Variants in DNAH3 observed in about 807,000 individuals in gnomAD.
The protein encoded by DNAH3 is axonemal beta dynein heavy chain 3.
Under a neutral mutation model 432.5 loss-of-function variants are expected in DNAH3, and 332 were observed. The ratio of observed to expected loss-of-function variants is 0.77; its 90% CI spans 0.70 to 0.84. The LOEUF (loss-of-function observed/expected upper bound fraction) is 0.84. Ranked by LOEUF, DNAH3 falls within the 40% of genes least tolerant of loss-of-function variation. The pLI is 0.00. For synonymous variants in DNAH3, 1,956 were observed against 1,900.2 expected (o/e 1.03, Z -0.76); for missense variants, 4,861 against 5,114.0 (o/e 0.95, Z 1.51).
At chr16:20,968,584 TAGA>T (rs936323786) in intron 52 of DNAH3, among the ~76,000 whole-genome samples, 8 of 152,186 alleles carry the variant, frequency 5.3e-5, no homozygotes, top group Non-Finnish European at 1.0e-4. Context: ...GGCTCAACTG[TAGA>T]AGGAGCTTTC....
intron 32 of DNAH3, among the ~76,000 whole-genome samples, chr16:21,040,357 G>T (rs1213796225): frequency 2.6e-5 from 2 of 77,046 alleles, no homozygotes; most frequent in African/African-American, 1.3e-4. Flanking sequence ...AAGCCAGACA[G>T]ATTTTTTTTT....
At chr16:21,125,419 G>T in intron 8 of DNAH3, 49 bp from the exon 10 acceptor site, 3 of 1,486,228 alleles carry the variant, frequency 2.0e-6, no homozygotes, top group Non-Finnish European at 2.7e-6. Flanking sequence ...TGGGCTCCGA[G>T]GAACCCACTT....
chr16:21,153,890 T>C (rs950815862), intron 1 of DNAH3, among the ~76,000 whole-genome samples: 2 of 152,222 alleles, frequency 1.3e-5, no homozygotes, highest in African/African-American at 4.8e-5. Context: ...AAGTTGGGCT[T>C]TCCATCCTTT....
exon 24 of DNAH3, chr16:21,067,336 G>A: frequency 6.2e-7 from 1 of 1,613,998 alleles, no homozygotes. Flanking sequence ...CTTTCTGGAT[G>A]TCCTCCAAGA....
At chr16:21,027,113 A>T (rs759989957) in exon 38 of DNAH3, 6 of 1,613,432 alleles carry the variant, frequency 3.7e-6, no homozygotes, top group Non-Finnish European at 5.1e-6. Flanking sequence ...TAATTTCCCC[A>T]CTCATGAGAC....
chr16:20,985,574 C>G (rs1171403433), exon 48 of DNAH3: 3 of 1,614,070 alleles, frequency 1.9e-6, no homozygotes, highest in Non-Finnish European at 2.5e-6. Context: ...AGATAGTGCT[C>G]CATGACCACA....
Position 21,140,531 on chromosome 16 carries a change from CG to C in DNAH3, c.696+4del. On this transcript the variant is annotated splice_donor_region_variant and intron_variant, in intron 5 of 61. Coordinates refer to ENST00000261383, the Ensembl canonical transcript of DNAH3. ...ACCGAGGGAAAGGGGGCAACAGGAA[CG>C]TACCTCCAGGTCCGATTCAGATGGC... The C allele has an allele frequency of 1.9e-6, 3 of 1,612,706 alleles. No homozygotes were observed. The highest frequency in any genetic ancestry group is 2.5e-6 in the Non-Finnish European group (3 of 1,179,024).
intron 57 of DNAH3, among the ~76,000 whole-genome samples, chr16:20,945,063 G>T (rs2083984239): frequency 6.6e-6 from 1 of 152,126 alleles, no homozygotes; most frequent in South Asian, 2.1e-4. Context: ...TTCTTAGGAG[G>T]TGAGGGCATT....
At chr16:20,991,939 C>T (rs1265085834) in intron 44 of DNAH3, among the ~76,000 whole-genome samples, 3 of 152,176 alleles carry the variant, frequency 2.0e-5, no homozygotes, top group Non-Finnish European at 4.4e-5. Flanking sequence ...TTCTGAGTCA[C>T]TTCTTTTTCA....
chr16:21,027,028 T>C (rs781442256), exon 38 of DNAH3: 3 of 1,612,934 alleles, frequency 1.9e-6, no homozygotes, highest in African/African-American at 2.7e-5. Flanking sequence ...CTGCCTCACC[T>C]GCTCACAGTG....
intron 5 of DNAH3, among the ~76,000 whole-genome samples, chr16:21,137,120 C>G (rs751771847): frequency 2.8e-4 from 43 of 151,994 alleles, no homozygotes; most frequent in Non-Finnish European, 5.3e-4. Context: ...GGTGACCAAT[C>G]GAGACTCTGT....
intron 1 of DNAH3, among the ~76,000 whole-genome samples, chr16:21,152,562 A>G (rs2031082): frequency 0.48 from 73,185 of 152,218 alleles, 18,189 homozygotes; most frequent in East Asian, 0.69. Flanking sequence ...GGCAAGGCCG[A>G]AGCCGGCTCC....
chr16:20,935,430 G>T, exon 61 of DNAH3: 2 of 1,613,236 alleles, frequency 1.2e-6, no homozygotes, highest in Non-Finnish European at 1.7e-6. Flanking sequence ...AAAAGACTGT[G>T]TGAAGTAGAA....
chr16:21,130,091 G>GAAAAAAA (rs58706051), intron 7 of DNAH3: 5 of 79,128 alleles, frequency 6.3e-5, no homozygotes, highest in South Asian at 4.4e-4. Flanking sequence ...CTAAATAAAT[G>GAAAAAAA]AAAAAAAAAA....
intron 17 of DNAH3, 43 bp from the exon 18 acceptor site, chr16:21,097,542 T>C: frequency 6.2e-7 from 1 of 1,606,034 alleles, no homozygotes; most frequent in Non-Finnish European, 8.5e-7. Flanking sequence ...TGGGTTGTTC[T>C]CCTAAGCCCT....
rs115512938 is a variant in DNAH3 at position 21,051,712 on chromosome 16, G to A, written c.4196C>T (p.Ser1399Phe). The stretch of plus-strand genomic sequence containing the variant: ...GAGGGGTGTGATCACCAGCCGGGGG[G>A]AGTTTCCCAGGTACTCATAGCCATA... The change falls in exon 29 of 62, where the codon TCC becomes TTC. Residue 1399 changes from serine to phenylalanine, a missense_variant. Coordinates refer to ENST00000261383, the Ensembl canonical transcript of DNAH3. The A allele has an allele frequency of 6.7e-4, 1,088 of 1,613,706 alleles. 6 individuals carry two copies. In the African/African-American group the frequency reaches 0.012, roughly 18 times the overall value.
At position 21,033,964 on chromosome 16, in the gene DNAH3, T is replaced by A. The variant is rs2089027625; in HGVS notation, c.5197+10A>T. On this transcript the variant is annotated intron_variant, in intron 36 of 61. Coordinates refer to ENST00000261383, the Ensembl canonical transcript of DNAH3. ...CTGTCCTCCCTGGAAGCCAGGGATG[T>A]GAGCTTTACCTGCGTGTAAATCGCC... The A allele has an allele frequency of 1.9e-6, 3 of 1,608,604 alleles. No homozygotes were observed. Among genetic ancestry groups the A allele is most frequent in the South Asian group, 2.2e-5 (2 of 90,824 alleles).
In DNAH3 at chr16:20,966,700, C is replaced by T. The variant is rs146023030; in HGVS notation, c.8459-1275G>A. Among the ~76,000 whole-genome samples, 159 of 152,228 alleles carry T rather than the reference C, an allele frequency of 1.0e-3. 2 individuals carry two copies. In the East Asian group the frequency reaches 0.029, roughly 28 times the overall value. On this transcript the variant is annotated intron_variant, in intron 52 of 61. Transcript: ENST00000261383. ...TCTTATTCATGGATGGAAAAGGCAG[C>T]GGGAGCCACAGCCCGTGGGGATGAG...
exon 44 of DNAH3, chr16:20,997,337 T>C: frequency 1.2e-6 from 2 of 1,614,198 alleles, no homozygotes; most frequent in Non-Finnish European, 1.7e-6. Flanking sequence ...ACGAGCAGCA[T>C]GTCCACGATG....
Sources: gnomAD v4.1 joint callset for allele counts (sites outside exome capture counted in the v4.1 genomes callset) on GRCh38, gnomAD v4.1.1 for gene constraint, MANE v1.5 for transcripts, NCBI Gene and HGNC (gene_info 2026-07-23, HGNC 2026-07-21) for gene names.